ADARB1: variants seen among roughly 807,000 people sequenced by gnomAD.
The protein encoded by ADARB1 is adenosine deaminase RNA specific B1.
Under a neutral mutation model 52.4 loss-of-function variants are expected in ADARB1, and 10 were observed. The ratio of observed to expected loss-of-function variants is 0.19; its 90% confidence interval spans 0.12 to 0.32. The LOEUF is 0.32. Ranked by LOEUF, ADARB1 falls within the 10% of genes least tolerant of loss-of-function variation. The pLI, the probability that ADARB1 is intolerant of heterozygous loss-of-function variation, is 1.00. For synonymous variants in ADARB1, 349 were observed against 371.1 expected, an observed-to-expected ratio of 0.94 and a Z score of 0.68; for missense variants, 643 against 922.3, an observed-to-expected ratio of 0.70 and a Z score of 3.92.
chr21:45,091,784 G>T (rs919493644), intron 1 of ADARB1, among the ~76,000 whole-genome samples: 1 of 152,204 alleles, frequency 6.6e-6, no homozygotes, highest in African/African-American at 2.4e-5. Flanking sequence ...TTTCCCTGTA[G>T]GAGGAGGAGC....
rs1187814628 is a variant in ADARB1 at position 45,182,636 on chromosome 21, G to A, written c.1130G>A (p.Cys377Tyr). 1.2e-6 allele frequency: 2 copies of A among 1,603,910 alleles called. No homozygotes were observed. Among genetic ancestry groups the A allele is most frequent in the Non-Finnish European group, 1.7e-6 (2 of 1,175,462 alleles). The change falls in exon 6 of 11, where the codon TGT (cysteine) becomes TAT (tyrosine). Residue 377 changes from cysteine (C) to tyrosine (Y), a missense_variant. Coordinates refer to ENST00000348831, the MANE Select transcript of ADARB1 (RefSeq NM_001112.4). ...ATAAGTGTTTCTACAGGAACAAAAT[G>A]TATTAATGGTGAATACATGAGTGAT... The part of the protein sequence containing the change: ...KVISVSTGTK[C>Y]INGEYMSDRG...
At chr21:45,169,287 G>T (rs1045128402) in intron 2 of ADARB1, among the ~76,000 whole-genome samples, 2 of 152,224 alleles carry the variant, frequency 1.3e-5, no homozygotes, top group African/African-American at 2.4e-5. Flanking sequence ...TGTCCTTACA[G>T]CCTGGCACGG....
intron 3 of ADARB1, among the ~76,000 whole-genome samples, chr21:45,174,276 T>C (rs2091599170): frequency 6.6e-6 from 1 of 152,224 alleles, no homozygotes; most frequent in Admixed American, 6.5e-5. Context: ...TCATTCACAT[T>C]ACAACCTTGC....
At chr21:45,211,504 A>G (rs11701522) in intron 9 of ADARB1, among the ~76,000 whole-genome samples, 11,650 of 152,302 alleles carry the variant, frequency 0.076, 615 homozygotes, top group Non-Finnish European at 0.11. Context: ...ACATGAACCC[A>G]TAATAACCCT....
rs775680094 is a variant in ADARB1 at position 45,171,590 on chromosome 21, A to G, written c.-47-20A>G. 3 of 1,509,836 alleles carry G rather than the reference A, an allele frequency of 2.0e-6. No homozygotes were observed. The highest frequency in any genetic ancestry group is 1.8e-6 in the Non-Finnish European group (2 of 1,087,926). The allele number at this position is 1,509,836 out of a possible 1,614,324, so 93.5% of individuals were successfully genotyped here. Reference sequence around the variant, plus strand: ...TCCTGTCATAGGCACACTAAATGCTATTTTCTTACTGTCTTTCAGACAGAA... The same window carrying G: ...TCCTGTCATAGGCACACTAAATGCTGTTTTCTTACTGTCTTTCAGACAGAA... On this transcript the variant is annotated intron_variant, in intron 2 of 10. Transcript: ENST00000348831.
At chr21:45,158,116 G>A (rs1292331333) in intron 2 of ADARB1, among the ~76,000 whole-genome samples, 1 of 152,178 alleles carries the variant, frequency 6.6e-6, no homozygotes, top group African/African-American at 2.4e-5. Context: ...GGGTAACTGC[G>A]ATAAAATACA....
rs1023292166 is a variant in ADARB1, at chr21:45,223,986, C to T, written c.*1789C>T. On this transcript the variant is annotated 3_prime_UTR_variant, in exon 11 of 11. Transcript: ENST00000348831. ...GTCACAGCAGGCGTCTCTGCCGCTC[C>T]GTCACCACAGTGGGGTTTTGTTCAG... is the stretch of plus-strand genomic sequence containing the variant. 29 of 985,288 alleles carry T rather than the reference C, an allele frequency of 2.9e-5. No individual in the cohort carries two copies. The highest frequency in any genetic ancestry group is 3.5e-5 in the African/African-American group (2 of 57,220). The allele number at this position is 985,288 out of a possible 1,614,324, so 61.0% of individuals were successfully genotyped here.
chr21:45,122,064 G>A (rs905786862), intron 1 of ADARB1, among the ~76,000 whole-genome samples: 19 of 152,124 alleles, frequency 1.2e-4, no homozygotes, highest in African/African-American at 4.6e-4. Context: ...TACTTGCCAC[G>A]AGCATATCAT....
At chr21:45,109,904 TTC>T (rs925861287) in intron 1 of ADARB1, among the ~76,000 whole-genome samples, 1 of 152,112 alleles carries the variant, frequency 6.6e-6, no homozygotes, top group Non-Finnish European at 1.5e-5. Context: ...GGAGGCGCCT[TTC>T]TCTCTCTTTT....
intron 1 of ADARB1, among the ~76,000 whole-genome samples, chr21:45,104,636 T>C (rs1402274383): frequency 6.6e-6 from 1 of 152,232 alleles, no homozygotes; most frequent in African/African-American, 2.4e-5. Flanking sequence ...CTGTTTTGGC[T>C]AAATAAAATG....
rs148999030 is a variant in ADARB1, at chr21:45,143,188, C to G, written c.-48+14615C>G. ...TTCTTCCTCTCCTAACCTCCTGGCACTGTGCTCCTCACTCAGGAATTGCAC... is the reference window on the plus strand; with the variant it reads ...TTCTTCCTCTCCTAACCTCCTGGCAGTGTGCTCCTCACTCAGGAATTGCAC... On this transcript the variant is annotated intron_variant, in intron 2 of 10. Coordinates refer to ENST00000348831, the MANE Select transcript of ADARB1 (RefSeq NM_001112.4). 8.1e-3 allele frequency among the ~76,000 whole-genome samples: 1,239 copies of G among 152,348 alleles called. 13 individuals carry two copies. The highest frequency in any genetic ancestry group is 0.013 in the Admixed American group (198 of 15,298).
At chr21:45,156,703 A>T (rs1296280318) in intron 2 of ADARB1, among the ~76,000 whole-genome samples, 2 of 152,078 alleles carry the variant, frequency 1.3e-5, no homozygotes, top group African/African-American at 2.4e-5. Flanking sequence ...TGTTCCGTTC[A>T]TCCAACAAGT....
chr21:45,153,874 T>C (rs2090428082), intron 2 of ADARB1, among the ~76,000 whole-genome samples: 2 of 152,152 alleles, frequency 1.3e-5, no homozygotes, highest in Admixed American at 1.3e-4. Context: ...ATTGGCCTGT[T>C]TTTGTTTCCT....
intron 9 of ADARB1, among the ~76,000 whole-genome samples, chr21:45,207,054 C>T (rs1439791556): frequency 4.6e-5 from 7 of 152,294 alleles, no homozygotes; most frequent in Admixed American, 1.3e-4. Context: ...GTTCTTCATA[C>T]GCCCAGTGGC....
In ADARB1 at chr21:45,225,018, A is replaced by C. The variant is rs557390629; in HGVS notation, c.*2821A>C. ...AAGCAGGAACTTGATTTTTTAAGAA[A>C]AAATATTACATTTTGAGGACATTTT... is the stretch of plus-strand genomic sequence containing the variant. On this transcript the variant is annotated 3_prime_UTR_variant, in exon 11 of 11. Transcript: ENST00000348831. 2.1e-5 allele frequency: 21 copies of C among 985,620 alleles called. No individual in the cohort carries two copies. Among genetic ancestry groups the C allele is most frequent in the Middle Eastern group, 1.0e-3 (2 of 1,914 alleles). 61.1% of individuals were successfully genotyped at this position (985,620 alleles called of 1,614,324 possible).
intron 1 of ADARB1, among the ~76,000 whole-genome samples, chr21:45,115,723 G>A (rs998895698): frequency 5.9e-5 from 9 of 152,178 alleles, no homozygotes; most frequent in Admixed American, 3.3e-4. Context: ...TGCAGAAGTC[G>A]TATGGTTTTT....
intron 8 of ADARB1, among the ~76,000 whole-genome samples, chr21:45,185,964 G>A (rs1220416786): frequency 1.3e-5 from 2 of 152,176 alleles, no homozygotes; most frequent in Non-Finnish European, 2.9e-5. Flanking sequence ...GTCTTGTCAG[G>A]CAACCTCAAG....
chr21:45,107,828 G>A (rs568369229), intron 1 of ADARB1, among the ~76,000 whole-genome samples: 2 of 152,264 alleles, frequency 1.3e-5, no homozygotes, highest in South Asian at 4.2e-4. Flanking sequence ...ACAAAGAAAA[G>A]ATGGATGAAT....
rs2093050036 is a variant in ADARB1, at chr21:45,225,737, A to C, written c.*3540A>C. On this transcript the variant is annotated 3_prime_UTR_variant, in exon 11 of 11. Coordinates refer to ENST00000348831, the MANE Select transcript of ADARB1 (RefSeq NM_001112.4). Reference sequence around the variant, plus strand: ...TCTGCCCCAGGCATAAAGAAGGAAAATTGGCCATCTTTCCCACCTCTAAAT... The same window carrying C: ...TCTGCCCCAGGCATAAAGAAGGAAACTTGGCCATCTTTCCCACCTCTAAAT... 4.4e-6 allele frequency: 2 copies of C among 455,608 alleles called. No homozygotes were observed. Among genetic ancestry groups the C allele is most frequent in the East Asian group, 7.0e-5 (2 of 28,438 alleles). 28.2% of individuals were successfully genotyped at this position (455,608 alleles called of 1,614,324 possible).
Sources: allele counts gnomAD v4.1 joint callset (sites outside exome capture counted in the v4.1 genomes callset), GRCh38; gene constraint gnomAD v4.1.1; transcripts MANE v1.5; gene names NCBI Gene and HGNC (gene_info 2026-07-23, HGNC 2026-07-21).